FBXW7: variants seen among roughly 807,000 people sequenced by gnomAD.
The protein encoded by FBXW7 is F-box/WD repeat-containing protein 7.
In FBXW7, 11 loss-of-function variants were observed where a neutral mutation model predicts 86.3. The ratio of observed to expected loss-of-function variants is 0.13; its 90% CI spans 0.08 to 0.21. FBXW7 has a LOEUF of 0.21. FBXW7 is among the 10% of genes least tolerant of loss of function. The pLI is 1.00. For synonymous variants in FBXW7, 313 were observed against 297.9 expected (o/e 1.05, Z -0.52); for missense variants, 488 against 847.4 (o/e 0.58, Z 5.27).
chr4:152,406,163 A>C (rs944597942), intron 4 of FBXW7, among the ~76,000 whole-genome samples: 1 of 152,226 alleles, frequency 6.6e-6, no homozygotes, highest in African/African-American at 2.4e-5. Context: ...GAAGATAACT[A>C]TTTGTGATAT....
chr4:152,375,914 C>T (rs535146890), intron 4 of FBXW7, among the ~76,000 whole-genome samples: 8 of 151,936 alleles, frequency 5.3e-5, no homozygotes, highest in Admixed American at 5.3e-4. Flanking sequence ...TAACGATGTT[C>T]AAAGCAGGTC....
intron 7 of FBXW7, among the ~76,000 whole-genome samples, chr4:152,335,115 T>G (rs191912476): frequency 3.6e-4 from 55 of 152,188 alleles, no homozygotes; most frequent in Non-Finnish European, 6.9e-4. Flanking sequence ...GGAAGCAAGG[T>G]TTTGTCATGT....
intron 2 of FBXW7, among the ~76,000 whole-genome samples, chr4:152,455,644 G>T (rs551035743): frequency 6.6e-6 from 1 of 152,320 alleles, no homozygotes; most frequent in African/African-American, 2.4e-5. Flanking sequence ...TTAGGTATTT[G>T]TTACAGCGGC....
intron 6 of FBXW7, among the ~76,000 whole-genome samples, chr4:152,346,129 T>C (rs1379920144): frequency 1.3e-5 from 2 of 152,156 alleles, no homozygotes; most frequent in East Asian, 1.9e-4. Flanking sequence ...CAATGTAATA[T>C]CACTATCTTA....
In FBXW7 at chr4:152,460,739, T is replaced by C. The variant is rs144296454; in HGVS notation, c.-119-48210A>G. Among the ~76,000 whole-genome samples the C allele has an allele frequency of 4.8e-3, 737 of 152,296 alleles. 2 individuals are homozygous for C. The highest frequency in any genetic ancestry group is 0.011 in the Admixed American group (174 of 15,296). On this transcript the variant is annotated intron_variant, in intron 2 of 13. Transcript: ENST00000281708. ...ACTTATGTGCTAACATCTGTTTTTT[T>C]GTGTGTGTTTATCCTGCTTGAAGTT...
intron 2 of FBXW7, among the ~76,000 whole-genome samples, chr4:152,474,911 G>A (rs1381384968): frequency 1.3e-5 from 2 of 151,944 alleles, no homozygotes; most frequent in Admixed American, 6.6e-5. Flanking sequence ...TGATCCGCCC[G>A]TCTTGGCCTC....
chr4:152,333,981 C>A (rs1729822312), intron 7 of FBXW7, among the ~76,000 whole-genome samples: 2 of 151,976 alleles, frequency 1.3e-5, no homozygotes, highest in Non-Finnish European at 2.9e-5. Context: ...TTGAACCCAG[C>A]AGGTGGAGGT....
intron 4 of FBXW7, among the ~76,000 whole-genome samples, chr4:152,394,710 T>C (rs1306185885): frequency 1.3e-5 from 2 of 152,102 alleles, no homozygotes; most frequent in Non-Finnish European, 2.9e-5. Flanking sequence ...CAAATGCTCA[T>C]TAAGGATTTG....
At chr4:152,529,128 A>G (rs1749787959) in intron 2 of FBXW7, among the ~76,000 whole-genome samples, 1 of 152,180 alleles carries the variant, frequency 6.6e-6, no homozygotes, top group Non-Finnish European at 1.5e-5. Context: ...AACAAACTGG[A>G]ATAATTTCTG....
At chr4:152,417,658 C>T (rs151164186) in intron 2 of FBXW7, among the ~76,000 whole-genome samples, 1,905 of 152,166 alleles carry the variant, frequency 0.013, 17 homozygotes, top group Non-Finnish European at 0.021. Context: ...GGGTGCGTAA[C>T]ACAGTAAAGA....
intron 2 of FBXW7, among the ~76,000 whole-genome samples, chr4:152,505,487 A>G (rs184805342): frequency 2.2e-4 from 33 of 152,246 alleles, no homozygotes; most frequent in African/African-American, 6.7e-4. Context: ...CTTTCCTTAT[A>G]TCCTTATTTT....
At chr4:152,511,102 T>C (rs967839720) in intron 2 of FBXW7, among the ~76,000 whole-genome samples, 1 of 149,460 alleles carries the variant, frequency 6.7e-6, no homozygotes, top group African/African-American at 2.5e-5. Flanking sequence ...GGTCTCAAAC[T>C]CCTGGGCCCA....
intron 2 of FBXW7, among the ~76,000 whole-genome samples, chr4:152,459,014 T>C (rs138586547): frequency 6.6e-6 from 1 of 152,274 alleles, no homozygotes; most frequent in African/African-American, 2.4e-5. Context: ...ATATAACTTG[T>C]AGAAATTAGG....
intron 2 of FBXW7, chr4:152,530,303 G>A (rs768656692): frequency 1.4e-4 from 22 of 152,252 alleles, no homozygotes; most frequent in Non-Finnish European, 3.1e-4. Context: ...ATAGATAGCA[G>A]TATCAAACTT....
chr4:152,498,844 C>G lies in FBXW7; in HGVS notation c.-120+36097G>C, dbSNP rs182881408. On this transcript the variant is annotated intron_variant, in intron 2 of 13. Transcript: ENST00000281708. ...CATTCCTGGTAAGAAAAAATGACAGCAAAGGATTGCAGAGCTCTAGGAAGG... is the reference window on the plus strand; with the variant it reads ...CATTCCTGGTAAGAAAAAATGACAGGAAAGGATTGCAGAGCTCTAGGAAGG... Among the ~76,000 whole-genome samples the G allele has an allele frequency of 2.6e-5, 4 of 151,978 alleles. No homozygotes were observed. The East Asian group carries it at 7.7e-4, about 29-fold the overall frequency.
intron 4 of FBXW7, among the ~76,000 whole-genome samples, chr4:152,399,335 C>T (rs900359388): frequency 6.6e-6 from 1 of 152,266 alleles, no homozygotes; most frequent in Non-Finnish European, 1.5e-5. Context: ...TTGATAAAGA[C>T]TACCTATAAA....
chr4:152,480,576 C>A (rs1304675907), intron 2 of FBXW7, among the ~76,000 whole-genome samples: 1 of 151,998 alleles, frequency 6.6e-6, no homozygotes, highest in Non-Finnish European at 1.5e-5. Context: ...CCAAGATAGG[C>A]CAAAAGCTAG....
In FBXW7 at chr4:152,535,492, C is replaced by T. The variant is rs1160754348; in HGVS notation, c.-578G>A. The T allele has an allele frequency of 5.1e-6, 2 of 394,646 alleles. No individual in the cohort carries two copies. The highest frequency in any genetic ancestry group is 8.9e-6 in the Non-Finnish European group (2 of 223,750). 24.4% of individuals were successfully genotyped at this position (394,646 alleles called of 1,614,324 possible). The stretch of plus-strand genomic sequence containing the variant: ...GCTTCACATCGGGGTCCCCGCCCCC[C>T]CGGCCGGGGGGTGGTTGCCGAGCTT... On this transcript the variant is annotated 5_prime_UTR_variant, in exon 1 of 14. Coordinates refer to ENST00000281708, the MANE Select transcript of FBXW7 (RefSeq NM_001349798.2).
intron 4 of FBXW7, chr4:152,353,100 G>T: frequency 1.5e-6 from 1 of 645,420 alleles, no homozygotes; most frequent in Non-Finnish European, 2.0e-6. Flanking sequence ...AAATAGCAAG[G>T]AACATTTCCA....
Sources: allele counts gnomAD v4.1 joint callset (sites outside exome capture counted in the v4.1 genomes callset), GRCh38; gene constraint gnomAD v4.1.1; transcripts MANE v1.5; gene names NCBI Gene and HGNC (gene_info 2026-07-23, HGNC 2026-07-21).